Variants in CSMD2 observed in about 807,000 individuals in gnomAD.
The protein encoded by CSMD2 is CUB and Sushi multiple domains 2.
Under a neutral mutation model 398.5 loss-of-function variants are expected in CSMD2, and 130 were observed. That is an observed-to-expected ratio of 0.33 (90% CI 0.28 to 0.38). The LOEUF is 0.38. Ranked by LOEUF, CSMD2 falls within the 10% of genes least tolerant of loss-of-function variation. The probability of loss-of-function intolerance (pLI) is 1.00; values close to 1 mark genes in which losing one functional copy is unlikely to be tolerated. For missense variants in CSMD2, 3,829 were observed against 4,764.9 expected (o/e 0.80, Z 5.78); for synonymous variants, 1,828 against 1,908.5 (o/e 0.96, Z 1.10).
chr1:33,892,519 T>C (rs994984553), intron 5 of CSMD2, among the ~76,000 whole-genome samples: 2 of 152,166 alleles, frequency 1.3e-5, no homozygotes, highest in African/African-American at 4.8e-5. Flanking sequence ...ATCACTCTTA[T>C]GCCTTTGCAC....
chr1:34,012,373 T>C (rs1647467859), intron 3 of CSMD2, among the ~76,000 whole-genome samples: 2 of 152,172 alleles, frequency 1.3e-5, no homozygotes, highest in South Asian at 4.1e-4. Context: ...ATCCGTCTTA[T>C]CCTCCTCTGT....
chr1:34,129,609 G>A (rs991086499), intron 1 of CSMD2, among the ~76,000 whole-genome samples: 6 of 152,138 alleles, frequency 3.9e-5, no homozygotes, highest in African/African-American at 1.2e-4. Context: ...CCGAGATTGC[G>A]CCACTGTACT....
chr1:34,125,241 G>A (rs1419579581), intron 1 of CSMD2, among the ~76,000 whole-genome samples: 1 of 152,180 alleles, frequency 6.6e-6, no homozygotes, highest in Admixed American at 6.5e-5. Context: ...AAACTTCAGA[G>A]ACAGGGGAAG....
intron 52 of CSMD2, among the ~76,000 whole-genome samples, chr1:33,568,784 A>G (rs11589690): frequency 0.061 from 9,317 of 152,220 alleles, 395 homozygotes; most frequent in Middle Eastern, 0.092. Flanking sequence ...TCACCCCAGG[A>G]CAGACCATTC....
intron 2 of CSMD2, among the ~76,000 whole-genome samples, chr1:34,070,886 A>G (rs1641573491): frequency 2.0e-5 from 3 of 152,172 alleles, no homozygotes; most frequent in Admixed American, 2.0e-4. Context: ...TGTAGGGTTT[A>G]CGTAAGTTTA....
At chr1:33,727,609 T>C (rs1646579180) in intron 15 of CSMD2, among the ~76,000 whole-genome samples, 2 of 152,202 alleles carry the variant, frequency 1.3e-5, no homozygotes, top group South Asian at 4.1e-4. Context: ...TTTATAAGCC[T>C]GTGTGTGATC....
intron 54 of CSMD2, among the ~76,000 whole-genome samples, chr1:33,558,652 T>G (rs1415742238): frequency 1.3e-5 from 2 of 152,204 alleles, no homozygotes; most frequent in Non-Finnish European, 2.9e-5. Context: ...TCTCTGAGGC[T>G]TCACTGCTGT....
At chr1:33,556,770 C>A (rs898542881) in intron 55 of CSMD2, among the ~76,000 whole-genome samples, 2 of 152,196 alleles carry the variant, frequency 1.3e-5, no homozygotes, top group Non-Finnish European at 2.9e-5. Context: ...ATGCTATTCT[C>A]ATGATAGTGA....
chr1:33,925,232 T>G (rs1215813819), intron 4 of CSMD2, among the ~76,000 whole-genome samples: 7 of 152,164 alleles, frequency 4.6e-5, no homozygotes, highest in Non-Finnish European at 1.0e-4. Context: ...TTGTATATGG[T>G]GAGAGATGGG....
intron 6 of CSMD2, among the ~76,000 whole-genome samples, chr1:33,827,042 A>G (rs1658907178): frequency 6.6e-6 from 1 of 152,082 alleles, no homozygotes; most frequent in South Asian, 2.1e-4. Flanking sequence ...CCTTCCAAAT[A>G]TATCCCAAAG....
At chr1:33,630,874 T>C (rs1350015066) in intron 32 of CSMD2, among the ~76,000 whole-genome samples, 2 of 152,040 alleles carry the variant, frequency 1.3e-5, no homozygotes, top group African/African-American at 2.4e-5. Flanking sequence ...ATGATGAACA[T>C]AGTACATATC....
intron 3 of CSMD2, among the ~76,000 whole-genome samples, chr1:34,000,633 G>T (rs1447744902): frequency 6.6e-6 from 1 of 152,142 alleles, no homozygotes; most frequent in Non-Finnish European, 1.5e-5. Context: ...AGCCAGAGAA[G>T]TGTCATAGAA....
Position 33,624,400 on chromosome 1 carries a change from C to T in CSMD2, c.5625+119G>A. 3.0e-6 allele frequency: 4 copies of T among 1,334,516 alleles called. No homozygotes were observed. The highest frequency in any genetic ancestry group is 1.3e-5 in the South Asian group (1 of 75,144). The allele number at this position is 1,334,516 out of a possible 1,614,324, so 82.7% of individuals were successfully genotyped here. On this transcript the variant is annotated intron_variant, in intron 35 of 70. Coordinates refer to ENST00000373381, the MANE Select transcript of CSMD2 (RefSeq NM_001281956.2). The surrounding 1 kb of genome is among the most constrained non-coding windows in gnomAD (Gnocchi z 4.7). ...GGGCAGGTACAGGGCTGATATGTCT[C>T]TTCCTGGCTCACCCTGACTCAGGCC...
intron 64 of CSMD2, among the ~76,000 whole-genome samples, chr1:33,527,718 G>C (rs1262085433): frequency 2.6e-5 from 4 of 152,136 alleles, no homozygotes; most frequent in Non-Finnish European, 4.4e-5. Context: ...AAGGGTTGTT[G>C]TCTACATTCC....
At chr1:34,075,954 T>C (rs1333633169) in intron 2 of CSMD2, among the ~76,000 whole-genome samples, 1 of 152,236 alleles carries the variant, frequency 6.6e-6, no homozygotes, top group Non-Finnish European at 1.5e-5. Context: ...TTCCCCACCC[T>C]GATCCATTAT....
At chr1:33,761,685 G>A (rs748263101) in intron 13 of CSMD2, among the ~76,000 whole-genome samples, 11 of 152,294 alleles carry the variant, frequency 7.2e-5, no homozygotes, top group Non-Finnish European at 1.0e-4. Context: ...AAGCCTGTTC[G>A]TCAGAGCATC....
intron 13 of CSMD2, among the ~76,000 whole-genome samples, chr1:33,762,243 G>C (rs1262826669): frequency 6.6e-6 from 1 of 152,260 alleles, no homozygotes; most frequent in Non-Finnish European, 1.5e-5. Flanking sequence ...TGAGCCAGCA[G>C]CTGTGAAAAC....
intron 5 of CSMD2, among the ~76,000 whole-genome samples, chr1:33,880,962 G>T (rs1460691303): frequency 6.6e-6 from 1 of 152,044 alleles, no homozygotes; most frequent in African/African-American, 2.4e-5. Flanking sequence ...TGTTATTTTT[G>T]GACCTTCATG....
chr1:34,023,864 C>T (rs1649272099), intron 3 of CSMD2, among the ~76,000 whole-genome samples: 1 of 152,172 alleles, frequency 6.6e-6, no homozygotes, highest in Non-Finnish European at 1.5e-5. Context: ...AACTTGATCT[C>T]CAGAAACCTA....
Sources: gnomAD v4.1 joint callset for allele counts (sites outside exome capture counted in the v4.1 genomes callset) on GRCh38, gnomAD v4.1.1 for gene constraint, Gnocchi (gnomAD v3.1) non-coding constraint, MANE v1.5 for transcripts, NCBI Gene and HGNC (gene_info 2026-07-23, HGNC 2026-07-21) for gene names.